TPR: variants seen among roughly 807,000 people sequenced by gnomAD.
The protein encoded by TPR is nucleoprotein TPR.
A neutral mutation model predicts 316.1 loss-of-function variants in TPR; 51 were observed. That is an observed-to-expected ratio of 0.16 (90% CI 0.13 to 0.20). The LOEUF (loss-of-function observed/expected upper bound fraction) is 0.20. TPR is among the 10% of genes least tolerant of loss of function. TPR has a pLI of 1.00. For missense variants in TPR, 2,272 were observed against 2,754.8 expected (o/e 0.82, Z 3.92); for synonymous variants, 981 against 914.7 (o/e 1.07, Z -1.31).
Position 186,359,846 on chromosome 1 carries a change from G to T in TPR, c.1342C>A (p.Gln448Lys). Residue 448 changes from glutamine to lysine, a missense_variant, in exon 12 of 51, where the codon CAG becomes AAG. Physicochemically the swap from Gln to Lys is moderately conservative, Grantham distance 53. This residue lies in a region of TPR where 549 missense variants were observed against 598.6 expected (regional missense o/e 0.92). Coordinates refer to ENST00000367478, the MANE Select transcript of TPR (RefSeq NM_003292.3). ...KRQREEYERA[Q>K]KAVASLSVKL... ...ACAGATAAACTTGCTACAGCTTTCTGTGCACGTTCATATTCCTCACGCTGG... is the reference window on the plus strand; with the variant it reads ...ACAGATAAACTTGCTACAGCTTTCTTTGCACGTTCATATTCCTCACGCTGG... The T allele has an allele frequency of 6.3e-7, 1 of 1,596,184 alleles. No individual in the cohort carries two copies.
At position 186,362,876 on chromosome 1, in the gene TPR, A is replaced by G. The variant is rs1048224169; in HGVS notation, c.657T>C (p.Ile219=). Reference sequence around the variant, plus strand: ...TTTCAAGATTACATTTAAGCTCTAGAATCTCATTCCCTTTTTCTCTTCCAA... The same window carrying G: ...TTTCAAGATTACATTTAAGCTCTAGGATCTCATTCCCTTTTTCTCTTCCAA... The part of the protein sequence containing the change: ...LALGREKGNE[I]LELKCNLENK... The change falls in exon 6 of 51, where the codon ATT becomes ATC. Residue 219 remains isoleucine (I), a synonymous_variant. Transcript: ENST00000367478. The G allele has an allele frequency of 1.2e-6, 2 of 1,605,044 alleles. No individual in the cohort carries two copies.
At chr1:186,345,380 T>C (rs1342143458) in intron 24 of TPR, among the ~76,000 whole-genome samples, 200 bp downstream of exon 24, 1 of 152,196 alleles carries the variant, frequency 6.6e-6, no homozygotes, top group Non-Finnish European at 1.5e-5. Context: ...TTGTCAAGAT[T>C]GCTTTGTTAA....
At position 186,363,027 on chromosome 1, in the gene TPR, G is replaced by A. The variant is rs75364622; in HGVS notation, c.532-26C>T. 1,565 of 1,578,944 alleles carry A rather than the reference G, an allele frequency of 9.9e-4. 3 individuals are homozygous for A. The highest frequency in any genetic ancestry group is 4.6e-3 in the African/African-American group (340 of 73,250). ...CTAAAGAAATCCAAGAAAATAACAC[G>A]TACAGTTAAAGATGATATATGATTA... On this transcript the variant is annotated intron_variant, in intron 5 of 50. Transcript: ENST00000367478.
intron 39 of TPR, among the ~76,000 whole-genome samples, chr1:186,327,933 C>G (rs1321095221): frequency 6.6e-6 from 1 of 151,890 alleles, no homozygotes; most frequent in African/African-American, 2.4e-5. Context: ...TAGGCACCAC[C>G]CCACGAAGTC....
chr1:186,313,558 T>C lies in TPR; in HGVS notation c.*413A>G. The C allele has an allele frequency of 1.6e-6, 1 of 643,292 alleles. No individual in the cohort carries two copies. The highest frequency in any genetic ancestry group is 1.9e-5 in the South Asian group (1 of 53,052). The allele number at this position is 643,292 out of a possible 1,614,324, so 39.8% of individuals were successfully genotyped here. A position where few individuals can be genotyped will look rare whatever the true frequency, so the allele number is the denominator to read the frequency against. On this transcript the variant is annotated 3_prime_UTR_variant, in exon 51 of 51. Transcript: ENST00000367478. ...TTTTTGTTATAAAGTTCAAATTAATTAGTAAAAACATCTCTATTAAAATGA... is the reference window on the plus strand; with the variant it reads ...TTTTTGTTATAAAGTTCAAATTAATCAGTAAAAACATCTCTATTAAAATGA...
Position 186,313,389 on chromosome 1 carries a change from C to A in TPR, c.*582G>T, listed in dbSNP as rs968982094. 4 of 371,588 alleles carry A rather than the reference C, an allele frequency of 1.1e-5. No individual in the cohort carries two copies. Among genetic ancestry groups the A allele is most frequent in the African/African-American group, 8.2e-5 (4 of 48,618 alleles). 23.0% of individuals were successfully genotyped at this position (371,588 alleles called of 1,614,324 possible). A position where few individuals can be genotyped will look rare whatever the true frequency, so the allele number is the denominator to read the frequency against. ...GGCATGTATTTTTTAAAAGGAATAA[C>A]CCCAAGTAAATTATTTTTCAAACTT... On this transcript the variant is annotated 3_prime_UTR_variant, in exon 51 of 51. Coordinates refer to ENST00000367478, the MANE Select transcript of TPR (RefSeq NM_003292.3).
Position 186,361,700 on chromosome 1 carries a change from C to A in TPR, c.880G>T (p.Asp294Tyr). 6.2e-7 allele frequency: 1 copy of A among 1,613,398 alleles called. No homozygotes were observed. The highest frequency in any genetic ancestry group is 1.7e-5 in the Admixed American group (1 of 59,976). ...TCATTGCTCTTTGCTTCTGAGTCAT[C>A]AGCGGCACTCTAAAAGTTAATCTTA... Reference protein sequence around the residue: ...KLSNLYKSAADDSEAKSNELT... With the variant: ...KLSNLYKSAAYDSEAKSNELT... The change falls in exon 9 of 51, where the codon GAT becomes TAT. Residue 294 changes from aspartate (D) to tyrosine (Y), a missense_variant. By Grantham distance (160) the Asp-to-Tyr change is radical. Around this residue, in one of 10 missense-constraint regions of TPR, gnomAD observed 549 missense variants for 598.6 expected, o/e 0.92. Transcript: ENST00000367478.
At chr1:186,343,584 C>G in intron 26 of TPR, 111 bp from the exon 27 acceptor site, 1 of 969,684 alleles carries the variant, frequency 1.0e-6, no homozygotes, top group Non-Finnish European at 1.5e-6. Context: ...AACTATTACA[C>G]GTTTTCATTA....
chr1:186,324,922 A>G (rs1657874439), intron 42 of TPR, among the ~76,000 whole-genome samples: 1 of 152,170 alleles, frequency 6.6e-6, no homozygotes, highest in South Asian at 2.1e-4. Context: ...AATTGTTTAT[A>G]AATGTAAATT....
chr1:186,347,229 G>A, intron 22 of TPR, 63 bp downstream of exon 22: 3 of 1,568,978 alleles, frequency 1.9e-6, no homozygotes, highest in Non-Finnish European at 2.6e-6. Context: ...CAGTCCTCTA[G>A]TTACTAAAAA....
chr1:186,336,202 G>A (rs983649006), intron 33 of TPR, among the ~76,000 whole-genome samples: 3 of 152,096 alleles, frequency 2.0e-5, no homozygotes, highest in Non-Finnish European at 4.4e-5. Flanking sequence ...GGGCTCAAAG[G>A]ATCTCTGTCA....
Position 186,313,996 on chromosome 1 carries a change from C to T in TPR, c.7067G>A (p.Gly2356Glu). The change falls in exon 51 of 51, where the codon GGA (glycine) becomes GAA (glutamate). Residue 2356 changes from glycine (G) to glutamate (E), a missense_variant. By Grantham distance (98) the Gly-to-Glu change is moderately conservative. Around this residue, in one of 10 missense-constraint regions of TPR, gnomAD observed 123 missense variants for 142.3 expected, o/e 0.86. Coordinates refer to ENST00000367478, the MANE Select transcript of TPR (RefSeq NM_003292.3). Reference sequence around the variant, plus strand: ...TTAATTAATATTTCCTCTGTTTATTCCTCCTCTCCCTCCCATTGCATGGCT... The same window carrying T: ...TTAATTAATATTTCCTCTGTTTATTTCTCCTCTCCCTCCCATTGCATGGCT... Reference protein sequence around the residue: ...GVSHAMGGRGGINRGNIN With the variant: ...GVSHAMGGRGEINRGNIN 6.2e-7 allele frequency: 1 copy of T among 1,611,324 alleles called. No homozygotes were observed. The highest frequency in any genetic ancestry group is 8.5e-7 in the Non-Finnish European group (1 of 1,179,090).
At chr1:186,319,593 C>T (rs1657713374) in intron 46 of TPR, among the ~76,000 whole-genome samples, 1 of 152,118 alleles carries the variant, frequency 6.6e-6, no homozygotes. Context: ...AAGAAGAGGC[C>T]TTCAGTGTTA....
At position 186,343,350 on chromosome 1, in the gene TPR, T is replaced by G. The variant is rs138213311; in HGVS notation, c.3726A>C (p.Leu1242=). The G allele has an allele frequency of 3.3e-4, 525 of 1,613,854 alleles. 2 individuals carry two copies. The African/African-American group carries it at 5.7e-3, about 18-fold the overall frequency. ...CCTGGACTTTCTCCCTTTCAGCATT[T>G]AGACTATCTTGCAGTTCCTGCAGCT... ...ERELQELQDS[L]NAEREKVQVT... Residue 1242 remains leucine (L), a synonymous_variant, in exon 27 of 51, where the codon CTA becomes CTC. Transcript: ENST00000367478.
rs1239845304 is a variant in TPR at position 186,371,055 on chromosome 1, G to A, written c.257-12C>T. On this transcript the variant is annotated splice_polypyrimidine_tract_variant and intron_variant, in intron 2 of 50. Coordinates refer to ENST00000367478, the MANE Select transcript of TPR (RefSeq NM_003292.3). ...CTTCAGTTGATTGTCTGGATAAAAG[G>A]AATTTTATGAATACATACACATTTG... is the stretch of plus-strand genomic sequence containing the variant. The A allele has an allele frequency of 3.7e-6, 6 of 1,600,324 alleles. No individual in the cohort carries two copies. Among genetic ancestry groups the A allele is most frequent in the African/African-American group, 1.3e-5 (1 of 74,592 alleles).
In TPR at chr1:186,368,143, T is replaced by C. The variant is rs111704928; in HGVS notation, c.331-161A>G. Among the ~76,000 whole-genome samples the C allele has an allele frequency of 7.2e-3, 1,100 of 152,322 alleles. 15 individuals carry two copies. The highest frequency in any genetic ancestry group is 0.025 in the African/African-American group (1,029 of 41,574). ...AAAAAATACCCGTAATTCCAATGTT[T>C]CTATTTAAATTTTGGATTTTTAAAA... is the stretch of plus-strand genomic sequence containing the variant. On this transcript the variant is annotated intron_variant, in intron 3 of 50. Transcript: ENST00000367478.
chr1:186,345,775 T>C (rs1415576299), intron 23 of TPR, 79 bp from the exon 24 acceptor site: 2 of 1,030,442 alleles, frequency 1.9e-6, no homozygotes, highest in Non-Finnish European at 2.9e-6. Flanking sequence ...TGTTACTAAA[T>C]TGAAGTCTCA....
At chr1:186,351,861 A>G (rs1232308558) in intron 19 of TPR, 115 bp downstream of exon 19, 24 of 1,212,878 alleles carry the variant, frequency 2.0e-5, no homozygotes, top group Non-Finnish European at 9.1e-6. Flanking sequence ...TTCAATGATC[A>G]TAATGGATGA....
intron 21 of TPR, among the ~76,000 whole-genome samples, chr1:186,349,550 C>A (rs1450937520): frequency 6.6e-6 from 1 of 151,334 alleles, no homozygotes; most frequent in Non-Finnish European, 1.5e-5. Flanking sequence ...GTCCCAGCTA[C>A]TCGGGAGGCT....
Sources: allele counts gnomAD v4.1 joint callset (sites outside exome capture counted in the v4.1 genomes callset), GRCh38; gene constraint gnomAD v4.1.1; regional missense constraint gnomAD v4.1.1; transcripts MANE v1.5; gene names NCBI Gene and HGNC (gene_info 2026-07-23, HGNC 2026-07-21).